SIAH1: variants seen among roughly 807,000 people sequenced by gnomAD.
SIAH1 encodes the protein E3 ubiquitin-protein ligase SIAH1.
Under a neutral mutation model 20.0 loss-of-function variants are expected in SIAH1, and 2 were observed. The observed-to-expected ratio is 0.10, with a 90% CI of 0.04 to 0.31. The LOEUF is 0.31. Among genes scored for constraint, SIAH1 ranks in the 10% least tolerant of loss-of-function variants. The probability of loss-of-function intolerance (pLI) is 1.00; values close to 1 mark genes in which losing one functional copy is unlikely to be tolerated. For synonymous variants in SIAH1, 118 were observed against 125.3 expected (o/e 0.94, Z 0.39); for missense variants, 119 against 355.3 (o/e 0.33, Z 5.35).
chr16:48,365,759 T>TC, intron 1 of SIAH1: 2 of 1,347,166 alleles, frequency 1.5e-6, no homozygotes, highest in Non-Finnish European at 1.9e-6. Flanking sequence ...TTCGTCTGTC[T>TC]CCCAAGTTTG....
intron 1 of SIAH1, chr16:48,365,515 T>TAA (rs1960800686): frequency 6.2e-7 from 1 of 1,601,678 alleles, no homozygotes; most frequent in Admixed American, 1.7e-5. Flanking sequence ...CCCCAAGAAG[T>TAA]AAAGGAACAG....
intron 1 of SIAH1, among the ~76,000 whole-genome samples, chr16:48,377,676 G>A (rs1283367028): frequency 2.6e-5 from 4 of 152,004 alleles, no homozygotes; most frequent in South Asian, 4.1e-4. Flanking sequence ...GATTACAGGC[G>A]TGAGCCGCCA....
At chr16:48,368,661 C>T (rs1217621017) in intron 1 of SIAH1, among the ~76,000 whole-genome samples, 1 of 151,924 alleles carries the variant, frequency 6.6e-6, no homozygotes, top group Non-Finnish European at 1.5e-5. Context: ...TCGACTTGAA[C>T]CCAGGAGGCG....
chr16:48,373,346 CT>C (rs1961029365), intron 1 of SIAH1, among the ~76,000 whole-genome samples: 1 of 152,214 alleles, frequency 6.6e-6, no homozygotes, highest in Non-Finnish European at 1.5e-5. Flanking sequence ...CAAAGAGAAA[CT>C]CCTTATCACC....
chr16:48,375,854 G>A (rs982754057), intron 1 of SIAH1, among the ~76,000 whole-genome samples: 2 of 152,170 alleles, frequency 1.3e-5, no homozygotes. Flanking sequence ...GTAGTTTAAT[G>A]GTTTAAGATG....
chr16:48,366,020 C>G (rs1188649602), intron 1 of SIAH1: 1 of 629,650 alleles, frequency 1.6e-6, no homozygotes, highest in East Asian at 7.2e-5. Flanking sequence ...CCGTCTTGCT[C>G]GCGCAAGGGT....
chr16:48,375,841 A>T (rs998347265), intron 1 of SIAH1, among the ~76,000 whole-genome samples: 1 of 152,250 alleles, frequency 6.6e-6, no homozygotes, highest in Non-Finnish European at 1.5e-5. Flanking sequence ...CAAACTGCAG[A>T]ATGTAGTTTA....
chr16:48,369,592 A>T (rs2151049435), intron 1 of SIAH1, among the ~76,000 whole-genome samples: 1 of 152,226 alleles, frequency 6.6e-6, no homozygotes, highest in Non-Finnish European at 1.5e-5. Flanking sequence ...AATACAAAAA[A>T]ATTAGCTGGG....
chr16:48,364,440 T>C (rs568695177), intron 1 of SIAH1, among the ~76,000 whole-genome samples: 186 of 152,246 alleles, frequency 1.2e-3, no homozygotes, highest in African/African-American at 4.3e-3. Flanking sequence ...AAAGATTAAT[T>C]CCACGTCACT....
chr16:48,380,788 C>T (rs1012721585), intron 1 of SIAH1, among the ~76,000 whole-genome samples: 2 of 151,640 alleles, frequency 1.3e-5, no homozygotes, highest in Non-Finnish European at 2.9e-5. Context: ...ATTAGCCGGG[C>T]GTGGTGGTGT....
At chr16:48,382,938 T>A (rs1168680720) in intron 1 of SIAH1, among the ~76,000 whole-genome samples, 2 of 152,238 alleles carry the variant, frequency 1.3e-5, no homozygotes, top group East Asian at 3.8e-4. Flanking sequence ...TTTTATGTCA[T>A]TACTGACATA....
chr16:48,371,829 C>T (rs1960993190), intron 1 of SIAH1, among the ~76,000 whole-genome samples: 2 of 152,172 alleles, frequency 1.3e-5, no homozygotes, highest in African/African-American at 4.8e-5. Flanking sequence ...TTTATATTCT[C>T]TCAGGATACA....
intron 1 of SIAH1, among the ~76,000 whole-genome samples, chr16:48,383,689 G>A (rs1405728311): frequency 1.3e-5 from 2 of 151,744 alleles, no homozygotes; most frequent in African/African-American, 2.4e-5. Context: ...TCAAATCCCC[G>A]GCCACAGCAA....
chr16:48,370,279 T>G (rs1960949969), intron 1 of SIAH1, among the ~76,000 whole-genome samples: 1 of 152,082 alleles, frequency 6.6e-6, no homozygotes, highest in Non-Finnish European at 1.5e-5. Flanking sequence ...CCTTAACCCC[T>G]CTATATAAAT....
intron 1 of SIAH1, among the ~76,000 whole-genome samples, chr16:48,384,649 G>C (rs955762819): frequency 1.1e-4 from 16 of 151,196 alleles, no homozygotes; most frequent in African/African-American, 3.9e-4. Flanking sequence ...GGCTCCAGCC[G>C]GGGGTCGGGG....
chr16:48,363,016 A>T (rs1960663750), intron 1 of SIAH1: 1 of 166,870 alleles, frequency 6.0e-6, no homozygotes, highest in Non-Finnish European at 1.5e-5. Flanking sequence ...TATTGTTTAC[A>T]TTGTATTAAG....
chr16:48,365,769 G>C, intron 1 of SIAH1: 2 of 1,342,114 alleles, frequency 1.5e-6, no homozygotes. Context: ...TCCCAAGTTT[G>C]TTTTCTCCAG....
chr16:48,367,472 C>G (rs1490908908), intron 1 of SIAH1, among the ~76,000 whole-genome samples: 1 of 152,126 alleles, frequency 6.6e-6, no homozygotes, highest in African/African-American at 2.4e-5. Context: ...GGATTCAGAC[C>G]CCGGCTCCAC....
intron 1 of SIAH1, chr16:48,365,437 C>T (rs1305739895): frequency 1.9e-6 from 3 of 1,613,846 alleles, no homozygotes; most frequent in African/African-American, 1.3e-5. Context: ...CAAGACTCCC[C>T]TCCAGGAGTA....
Sources: gnomAD v4.1 joint callset for allele counts (sites outside exome capture counted in the v4.1 genomes callset) on GRCh38, gnomAD v4.1.1 for gene constraint, MANE v1.5 for transcripts, NCBI Gene and HGNC (gene_info 2026-07-23, HGNC 2026-07-21) for gene names.